Variants in TXNDC5 observed in about 807,000 individuals in gnomAD.
TXNDC5 encodes the protein thioredoxin domain-containing protein 5.
Under a neutral mutation model 52.6 loss-of-function variants are expected in TXNDC5, and 44 were observed. The observed-to-expected ratio is 0.84, with a 90% CI of 0.66 to 1.08. The LOEUF (loss-of-function observed/expected upper bound fraction) is 1.08. Ranked by LOEUF, TXNDC5 falls within the 50% of genes least tolerant of loss-of-function variation. TXNDC5 has a pLI of 0.00. For missense variants in TXNDC5, 600 were observed against 565.5 expected (o/e 1.06, Z -0.62); for synonymous variants, 241 against 234.4 (o/e 1.03, Z -0.26).
rs1760319021 is a variant in TXNDC5, at chr6:7,895,097, C to T, written c.616+9G>A. 1 of 1,613,134 alleles carries T rather than the reference C, an allele frequency of 6.2e-7. No homozygotes were observed. Among genetic ancestry groups the T allele is most frequent in the East Asian group, 2.2e-5 (1 of 44,862 alleles). ...TTCTCTGAAGCTGGCATCAGGACGT[C>T]CCCCTTACCTTGTGCAACGTGCAGC... On this transcript the variant is annotated intron_variant, in intron 4 of 9. Coordinates refer to ENST00000379757, the MANE Select transcript of TXNDC5 (RefSeq NM_030810.5).
chr6:7,892,613 G>A (rs1400128036), intron 4 of TXNDC5, among the ~76,000 whole-genome samples: 2 of 152,188 alleles, frequency 1.3e-5, no homozygotes, highest in African/African-American at 2.4e-5. Flanking sequence ...ACGGGGACAG[G>A]TCTTTCCCAT....
At chr6:7,902,056 T>C (rs1760586456) in intron 2 of TXNDC5, among the ~76,000 whole-genome samples, 1 of 151,750 alleles carries the variant, frequency 6.6e-6, no homozygotes, top group Non-Finnish European at 1.5e-5. Context: ...GAGAAGGGCA[T>C]GTGAGGACAG....
intron 2 of TXNDC5, 143 bp downstream of exon 2, chr6:7,904,431 A>G (rs1760670740): frequency 9.5e-7 from 1 of 1,055,240 alleles, no homozygotes; most frequent in Admixed American, 2.3e-5. Flanking sequence ...AAACAGACAC[A>G]GCATTAAATG....
rs530300937 is a variant in TXNDC5, at chr6:7,883,039, G to A, written c.*105C>T. 8.6e-4 allele frequency: 1,298 copies of A among 1,513,228 alleles called. 22 individuals are homozygous for A. In the South Asian group the frequency reaches 0.014, roughly 16 times the overall value. 93.7% of individuals were successfully genotyped at this position (1,513,228 alleles called of 1,614,324 possible). A position where few individuals can be genotyped will look rare whatever the true frequency, so the allele number is the denominator to read the frequency against. On this transcript the variant is annotated 3_prime_UTR_variant, in exon 10 of 10. Coordinates refer to ENST00000379757, the MANE Select transcript of TXNDC5 (RefSeq NM_030810.5). ...AGATACCTCACGCTTAGTATGTTCT[G>A]CTTTCTGAACAGCCACCACTGGGAA...
At position 7,884,420 on chromosome 6, in the gene TXNDC5, G is replaced by T; in HGVS notation, c.1115C>A (p.Ala372Glu). ...GTCTACTTCGGCGATCTTGACCCCC[G>T]CCAGACCAGGGAATTCCTTTTTAGA... Reference protein sequence around the residue: ...ELSKKEFPGLAGVKIAEVDCT... With the variant: ...ELSKKEFPGLEGVKIAEVDCT... Residue 372 changes from alanine to glutamate, a missense_variant, in exon 9 of 10, where the codon GCG becomes GAG. Physicochemically the swap from Ala to Glu is moderately radical, Grantham distance 107. Transcript: ENST00000379757. 1 of 1,614,030 alleles carries T rather than the reference G, an allele frequency of 6.2e-7. No individual in the cohort carries two copies. Among genetic ancestry groups the T allele is most frequent in the Non-Finnish European group, 8.5e-7 (1 of 1,179,986 alleles).
chr6:7,886,026 GAGTGCCAACAC>G lies in TXNDC5; in HGVS notation c.970_980del (p.Val324HisfsTer2), dbSNP rs768315512. 1.9e-6 allele frequency: 3 copies of G among 1,614,132 alleles called. No individual in the cohort carries two copies. In the South Asian group the frequency reaches 3.3e-5, roughly 18 times the overall value. On this transcript the variant is annotated frameshift_variant, in exon 8 of 10. Coordinates refer to ENST00000379757, the MANE Select transcript of TXNDC5 (RefSeq NM_030810.5). LOFTEE classifies it high-confidence loss of function. ...TGGTGTCATCGAAGTTATTTTCAGT[GAGTGCCAACAC>G]AGTGCCCTTCAAGGGAGGAAAAAGC...
At chr6:7,887,205 G>A (rs1277181815) in intron 7 of TXNDC5, among the ~76,000 whole-genome samples, 1 of 146,032 alleles carries the variant, frequency 6.8e-6, no homozygotes, top group Non-Finnish European at 1.6e-5. Context: ...CACCAGGGAG[G>A]AGGGGTTGGT....
chr6:7,901,589 C>T (rs1458090570), intron 2 of TXNDC5, among the ~76,000 whole-genome samples: 3 of 152,186 alleles, frequency 2.0e-5, no homozygotes, highest in Admixed American at 1.3e-4. Flanking sequence ...AGGGACAGAG[C>T]GGACACTTCT....
chr6:7,897,627 CAG>C (rs1344592833), intron 3 of TXNDC5, among the ~76,000 whole-genome samples: 1 of 152,182 alleles, frequency 6.6e-6, no homozygotes, highest in Admixed American at 6.5e-5. Context: ...ACTGAGGAGA[CAG>C]AAAGTCCCTT....
rs1318287979 is a variant in TXNDC5, at chr6:7,884,502, A to G, written c.1047-14T>C. 6.2e-7 allele frequency: 1 copy of G among 1,613,852 alleles called. No individual in the cohort carries two copies. The highest frequency in any genetic ancestry group is 8.5e-7 in the Non-Finnish European group (1 of 1,179,818). On this transcript the variant is annotated splice_polypyrimidine_tract_variant and intron_variant, in intron 8 of 9. Transcript: ENST00000379757. ...CAATGACCACACCTAAGACGAGAAA[A>G]ATGGCAGCTTCGTTGAAATCCTGGG...
At position 7,888,713 on chromosome 6, in the gene TXNDC5, C is replaced by T. The variant is rs146368083; in HGVS notation, c.955G>A (p.Ala319Thr). ...CTCCAGCAGGCACCCACCTTGTCAG[C>T]CTCGGGCTCAGCTGCCAGCACCGGG... ...EAPVLAAEPE[A>T]DKGTVLALTE... is the part of the protein sequence containing the mutation. The change falls in exon 7 of 10, where the codon GCT becomes ACT. Residue 319 changes from alanine to threonine, a missense_variant. By Grantham distance (58) the Ala-to-Thr change is moderately conservative. Transcript: ENST00000379757. The T allele has an allele frequency of 5.0e-6, 8 of 1,610,626 alleles. No homozygotes were observed. The highest frequency in any genetic ancestry group is 2.2e-5 in the East Asian group (1 of 44,868).
At chr6:7,884,937 C>T (rs1385607283) in intron 8 of TXNDC5, among the ~76,000 whole-genome samples, 3 of 152,170 alleles carry the variant, frequency 2.0e-5, no homozygotes, top group Middle Eastern at 3.2e-3. Context: ...GGTACTTCAG[C>T]GATGTGGGGT....
rs1319702845 is a variant in TXNDC5 at position 7,885,985 on chromosome 6, G to C, written c.1022C>G (p.Thr341Ser). ...CCATGGAGCATAAAACTTGATGAAGGTTATTCCTTCTGCAATGGTGTCATC... is the reference window on the plus strand; with the variant it reads ...CCATGGAGCATAAAACTTGATGAAGCTTATTCCTTCTGCAATGGTGTCATC... ...NFDDTIAEGITFIKFYAPWCG... is the reference protein window; with the variant it reads ...NFDDTIAEGISFIKFYAPWCG... The change falls in exon 8 of 10, where the codon ACC (threonine) becomes AGC (serine). Residue 341 changes from threonine (T) to serine (S), a missense_variant. Coordinates refer to ENST00000379757, the MANE Select transcript of TXNDC5 (RefSeq NM_030810.5). 1 of 1,614,112 alleles carries C rather than the reference G, an allele frequency of 6.2e-7. No homozygotes were observed. Among genetic ancestry groups the C allele is most frequent in the Non-Finnish European group, 8.5e-7 (1 of 1,180,002 alleles).
intron 2 of TXNDC5, among the ~76,000 whole-genome samples, chr6:7,902,716 C>G (rs1179230635): frequency 5.3e-5 from 8 of 152,266 alleles, no homozygotes; most frequent in Middle Eastern, 3.4e-3. Context: ...GGTTCCTTCC[C>G]AAACTGTGTT....
chr6:7,893,254 G>C (rs1218825164), intron 4 of TXNDC5, among the ~76,000 whole-genome samples: 2 of 152,228 alleles, frequency 1.3e-5, no homozygotes, highest in Non-Finnish European at 2.9e-5. Flanking sequence ...GCAGGACTCT[G>C]CCACACTAAG....
intron 7 of TXNDC5, 103 bp downstream of exon 7, chr6:7,888,602 G>A: frequency 7.0e-7 from 1 of 1,420,388 alleles, no homozygotes; most frequent in East Asian, 2.4e-5. Context: ...TCCCCAAACT[G>A]TCATTTTGTC....
At chr6:7,888,605 A>T in intron 7 of TXNDC5, 100 bp downstream of exon 7, 1 of 1,410,558 alleles carries the variant, frequency 7.1e-7, no homozygotes, top group Non-Finnish European at 9.3e-7. Context: ...CCAAACTGTC[A>T]TTTTGTCCAA....
intron 8 of TXNDC5, among the ~76,000 whole-genome samples, chr6:7,885,492 G>A (rs1024158389): frequency 5.3e-5 from 8 of 152,190 alleles, no homozygotes; most frequent in African/African-American, 1.4e-4. Context: ...AGGAAACTGC[G>A]TAGCATACTG....
At chr6:7,897,682 G>A (rs1015839899) in intron 3 of TXNDC5, among the ~76,000 whole-genome samples, 12 of 152,164 alleles carry the variant, frequency 7.9e-5, no homozygotes, top group Non-Finnish European at 1.8e-4. Context: ...CAACCTGCAG[G>A]TGAGGCCGCC....
Sources: gnomAD v4.1 joint callset for allele counts (sites outside exome capture counted in the v4.1 genomes callset) on GRCh38, gnomAD v4.1.1 for gene constraint, MANE v1.5 for transcripts, NCBI Gene and HGNC (gene_info 2026-07-23, HGNC 2026-07-21) for gene names.